Variants in TUBA3C observed in about 807,000 individuals in gnomAD.
TUBA3C encodes the protein tubulin alpha 3c.
TUBA3C carries 23 observed loss-of-function variants against 33.4 expected under a neutral mutation model. The observed-to-expected ratio is 0.69, with a 90% CI of 0.50 to 0.98. The LOEUF is 0.98. Among genes scored for constraint, TUBA3C ranks in the 50% least tolerant of loss-of-function variants. The probability of loss-of-function intolerance (pLI) is 0.00; values close to 1 mark genes in which losing one functional copy is unlikely to be tolerated. For missense variants in TUBA3C, 402 were observed against 616.0 expected (o/e 0.65, Z 3.68); for synonymous variants, 269 against 250.4 (o/e 1.07, Z -0.70).
rs1021936495 is a variant in TUBA3C at position 19,179,353 on chromosome 13, G to A, written c.214C>T (p.Pro72Ser). 1 of 1,613,860 alleles carries A rather than the reference G, an allele frequency of 6.2e-7. No individual in the cohort carries two copies. Among genetic ancestry groups the A allele is most frequent in the African/African-American group, 1.3e-5 (1 of 74,920 alleles). ...VPRAVFVDLE[P>S]TVVDEVRTGT... ...CCCGAGCACCTACCGACCACAGTGG[G>A]CTCCAGGTCCACAAACACTGCTCTG... The change falls in exon 2 of 5, where the codon CCC becomes TCC. Residue 72 changes from proline to serine, a missense_variant. Coordinates refer to ENST00000400113, the MANE Select transcript of TUBA3C (RefSeq NM_006001.3).
At chr13:19,174,223 T>C in intron 4 of TUBA3C, 64 bp from the exon 5 acceptor site, 1 of 1,537,040 alleles carries the variant, frequency 6.5e-7, no homozygotes, top group Non-Finnish European at 8.8e-7. Context: ...GGTGGCTGCT[T>C]TTCCTCAAAA....
chr13:19,179,042 T>C (rs911874063), intron 2 of TUBA3C, among the ~76,000 whole-genome samples: 3 of 152,198 alleles, frequency 2.0e-5, no homozygotes, highest in South Asian at 2.1e-4. Flanking sequence ...ACCAATGCCA[T>C]TGTGCCCTGC....
chr13:19,178,212 A>G, intron 3 of TUBA3C, 34 bp downstream of exon 3: 2 of 1,612,764 alleles, frequency 1.2e-6, no homozygotes, highest in Non-Finnish European at 1.7e-6. Context: ...CCTCCTGTGC[A>G]GGACAATGGT....
rs745475246 is a variant in TUBA3C at position 19,177,405 on chromosome 13, G to A, written c.578C>T (p.Thr193Met). The A allele has an allele frequency of 3.1e-6, 5 of 1,614,108 alleles. No homozygotes were observed. Among genetic ancestry groups the A allele is most frequent in the East Asian group, 2.2e-5 (1 of 44,864 alleles). ...GGCACAGTCAGAATGTTCCAGGGTC[G>A]TGTGGGTGGTCAGGATGGAGTTGTA... is the stretch of plus-strand genomic sequence containing the variant. ...EPYNSILTTH[T>M]TLEHSDCAFM... is the part of the protein sequence containing the mutation. The change falls in exon 4 of 5, where the codon ACG (threonine) becomes ATG (methionine). Residue 193 changes from threonine (T) to methionine (M), a missense_variant. By Grantham distance (81) the Thr-to-Met change is moderately conservative. Coordinates refer to ENST00000400113, the MANE Select transcript of TUBA3C (RefSeq NM_006001.3). This position sits in a 1 kb window ranked among gnomAD's most constrained non-coding sequence, Gnocchi z 5.0.
intron 4 of TUBA3C, among the ~76,000 whole-genome samples, chr13:19,174,770 G>A (rs879463493): frequency 2.0e-5 from 3 of 152,188 alleles, no homozygotes; most frequent in East Asian, 3.9e-4. Context: ...GACCAGCCTG[G>A]GCAGTATGGC....
rs1367839519 is a variant in TUBA3C at position 19,177,637 on chromosome 13, G to A, written c.376-30C>T. 4 of 1,532,746 alleles carry A rather than the reference G, an allele frequency of 2.6e-6. No individual in the cohort carries two copies. The highest frequency in any genetic ancestry group is 3.5e-6 in the Non-Finnish European group (4 of 1,141,622). 94.9% of individuals were successfully genotyped at this position (1,532,746 alleles called of 1,614,324 possible). A position where few individuals can be genotyped will look rare whatever the true frequency, so the allele number is the denominator to read the frequency against. ...GGGAAACCAGACAACATGAATCAAT[G>A]CCCGTGGAAGCCACACCACCAACCT... On this transcript the variant is annotated intron_variant, in intron 3 of 4. Coordinates refer to ENST00000400113, the MANE Select transcript of TUBA3C (RefSeq NM_006001.3). The surrounding 1 kb of genome is among the most constrained non-coding windows in gnomAD (Gnocchi z 5.0).
rs1869228077 is a variant in TUBA3C, at chr13:19,177,283, T to C, written c.700A>G (p.Ile234Val). The C allele has an allele frequency of 1.9e-6, 3 of 1,614,066 alleles. No individual in the cohort carries two copies. Among genetic ancestry groups the C allele is most frequent in the South Asian group, 2.2e-5 (2 of 91,072 alleles). ...AGGGAGGCCGTGATGGAGGACACGA[T>C]CTGCCCAATCAGGCGATTGAGGTTG... ...YTNLNRLIGQ[I>V]VSSITASLRF... is the part of the protein sequence containing the mutation. The change falls in exon 4 of 5, where the codon ATC becomes GTC. Residue 234 changes from isoleucine to valine, a missense_variant. Ile to Val is a conservative substitution (Grantham distance 29). Transcript: ENST00000400113. This position sits in a 1 kb window ranked among gnomAD's most constrained non-coding sequence, Gnocchi z 5.0.
At chr13:19,180,653 G>A (rs1565972570) in intron 1 of TUBA3C, among the ~76,000 whole-genome samples, 1 of 151,948 alleles carries the variant, frequency 6.6e-6, no homozygotes, top group African/African-American at 2.4e-5. Flanking sequence ...AGGCCACTAT[G>A]CCCAACTAAT....
chr13:19,181,695 G>T, intron 1 of TUBA3C, 50 bp downstream of exon 1: 2 of 1,600,558 alleles, frequency 1.2e-6, no homozygotes, highest in Non-Finnish European at 1.7e-6. Context: ...GGCCAACTTC[G>T]TCCACCCTCC....
At chr13:19,181,651 C>G (rs369648631) in intron 1 of TUBA3C, 94 bp downstream of exon 1, 5 of 1,570,478 alleles carry the variant, frequency 3.2e-6, no homozygotes, top group Non-Finnish European at 2.6e-6. Context: ...CACCCTGGCC[C>G]GCAACAGCAT....
chr13:19,174,473 T>C (rs1189384289), intron 4 of TUBA3C, among the ~76,000 whole-genome samples: 1 of 151,870 alleles, frequency 6.6e-6, no homozygotes, highest in Non-Finnish European at 1.5e-5. Context: ...TTCTAAAGGA[T>C]TTTTGTGCCC....
chr13:19,175,865 T>C (rs557324081), intron 4 of TUBA3C, among the ~76,000 whole-genome samples: 2 of 151,978 alleles, frequency 1.3e-5, no homozygotes, highest in African/African-American at 4.8e-5. Flanking sequence ...TGCCTCAGCC[T>C]CCTCAGTAGC....
intron 1 of TUBA3C, among the ~76,000 whole-genome samples, chr13:19,180,184 CT>C (rs1869353173): frequency 1.3e-5 from 2 of 152,150 alleles, no homozygotes; most frequent in South Asian, 4.2e-4. Flanking sequence ...CGTCAGGGTA[CT>C]CTCCCCTTGG....
At chr13:19,175,920 T>C (rs1299523751) in intron 4 of TUBA3C, among the ~76,000 whole-genome samples, 1 of 152,138 alleles carries the variant, frequency 6.6e-6, no homozygotes, top group African/African-American at 2.4e-5. Context: ...ATTTTTGTAT[T>C]TTTAGTAGAC....
chr13:19,178,198 C>A lies in TUBA3C; in HGVS notation c.375+48G>T, dbSNP rs182012705. On this transcript the variant is annotated intron_variant, in intron 3 of 4. Coordinates refer to ENST00000400113, the MANE Select transcript of TUBA3C (RefSeq NM_006001.3). ...TGACCTCCCCTTCACAATCTAAGAT[C>A]TACCCTCCTGTGCAGGACAATGGTC... 40 of 1,606,558 alleles carry A rather than the reference C, an allele frequency of 2.5e-5. No homozygotes were observed. The African/African-American group carries it at 4.9e-4, about 20-fold the overall frequency.
rs754926721 is a variant in TUBA3C at position 19,178,410 on chromosome 13, T to C, written c.227-16A>G. The C allele has an allele frequency of 1.7e-5, 27 of 1,613,688 alleles. No individual in the cohort carries two copies. The highest frequency in any genetic ancestry group is 2.7e-5 in the African/African-American group (2 of 74,904). ...CGCACTTCATCTACAAAAGAGACCG[T>C]ATGTACTGTGAATCTTTAAGGCCTA... is the stretch of plus-strand genomic sequence containing the variant. On this transcript the variant is annotated splice_polypyrimidine_tract_variant and intron_variant, in intron 2 of 4. Transcript: ENST00000400113.
chr13:19,180,082 A>G (rs1002167667), intron 1 of TUBA3C, among the ~76,000 whole-genome samples: 1 of 152,114 alleles, frequency 6.6e-6, no homozygotes, highest in Non-Finnish European at 1.5e-5. Flanking sequence ...ACCCATGAGG[A>G]CAGCATCAGA....
At chr13:19,176,806 C>G in intron 4 of TUBA3C, 121 bp downstream of exon 4, 1 of 962,218 alleles carries the variant, frequency 1.0e-6, no homozygotes, top group Non-Finnish European at 1.4e-6. Flanking sequence ...TTGATGCCCA[C>G]ATGCCTAGCC....
intron 4 of TUBA3C, among the ~76,000 whole-genome samples, chr13:19,175,472 T>C (rs1477211633): frequency 6.6e-6 from 1 of 152,192 alleles, no homozygotes; most frequent in Non-Finnish European, 1.5e-5. Flanking sequence ...TGTGCTGTGC[T>C]TTCCCTGCTG....
Sources: gnomAD v4.1 joint callset for allele counts (sites outside exome capture counted in the v4.1 genomes callset) on GRCh38, gnomAD v4.1.1 for gene constraint, Gnocchi (gnomAD v3.1) non-coding constraint, MANE v1.5 for transcripts, NCBI Gene and HGNC (gene_info 2026-07-23, HGNC 2026-07-21) for gene names.